The following TEX15 variants were observed in gnomAD, a reference collection of about 807,000 sequenced individuals.
TEX15 encodes the protein testis expressed 15, meiosis and synapsis associated.
Under a neutral mutation model 237.3 loss-of-function variants are expected in TEX15, and 171 were observed. That is an observed-to-expected ratio of 0.72 (90% CI 0.64 to 0.82). TEX15 has a LOEUF of 0.82. Ranked by LOEUF, TEX15 falls within the 40% of genes least tolerant of loss-of-function variation. TEX15 has a pLI of 0.00. For synonymous variants in TEX15, 1,338 were observed against 1,269.8 expected, an observed-to-expected ratio of 1.05 and a Z score of -1.14; for missense variants, 3,750 against 3,646.5, an observed-to-expected ratio of 1.03 and a Z score of -0.73.
chr8:30,846,416 G>A lies in TEX15; in HGVS notation c.3751C>T (p.His1251Tyr), dbSNP rs1201724396. 6.2e-7 allele frequency: 1 copy of A among 1,613,236 alleles called. No individual in the cohort carries two copies. The highest frequency in any genetic ancestry group is 8.5e-7 in the Non-Finnish European group (1 of 1,179,706). Residue 1251 changes from histidine to tyrosine, a missense_variant, in exon 8 of 11, where the codon CAT becomes TAT. Physicochemically the swap from His to Tyr is moderately conservative, Grantham distance 83. Transcript: ENST00000643185. ...TCACTGTTCTGATTTTCAGACGTAT[G>A]ATTCACATCTGTATTACGACTCAAG... Reference protein sequence around the residue: ...FDLSRNTDVNHTSENQNSESL... With the variant: ...FDLSRNTDVNYTSENQNSESL...
intron 2 of TEX15, among the ~76,000 whole-genome samples, chr8:30,896,576 A>G (rs1808910213): frequency 1.3e-5 from 2 of 152,098 alleles, no homozygotes; most frequent in Non-Finnish European, 2.9e-5. Context: ...TAACTCCCCA[A>G]AAGAATGCCC....
intron 1 of TEX15, among the ~76,000 whole-genome samples, chr8:30,900,773 G>A (rs1435986256): frequency 6.6e-6 from 1 of 152,218 alleles, no homozygotes; most frequent in Non-Finnish European, 1.5e-5. Flanking sequence ...ACAGGACACT[G>A]AAATTACAGA....
chr8:30,841,975 A>T (rs777038476), intron 8 of TEX15, 29 bp downstream of exon 8: 4 of 1,458,786 alleles, frequency 2.7e-6, no homozygotes, highest in Non-Finnish European at 2.8e-6. Flanking sequence ...AAGAATACTT[A>T]TAAAAGTTTT....
At chr8:30,869,356 A>G (rs1347713093) in intron 4 of TEX15, among the ~76,000 whole-genome samples, 1 of 152,030 alleles carries the variant, frequency 6.6e-6, no homozygotes, top group Non-Finnish European at 1.5e-5. Flanking sequence ...GACTAGCAGA[A>G]ATTCTTAAGC....
chr8:30,839,482 AT>A (rs1807394008), intron 9 of TEX15, among the ~76,000 whole-genome samples: 1 of 151,950 alleles, frequency 6.6e-6, no homozygotes, highest in South Asian at 2.1e-4. Flanking sequence ...TCCCTTTTTG[AT>A]TTTAGAAGTC....
chr8:30,868,140 CAAGCTAATA>C (rs2128771931), intron 4 of TEX15, among the ~76,000 whole-genome samples: 1 of 152,046 alleles, frequency 6.6e-6, no homozygotes, highest in East Asian at 1.9e-4. Context: ...CTGGGAGAAA[CAAGCTAATA>C]TTTGATTACA....
In TEX15 at chr8:30,887,285, A is replaced by G. The variant is rs1345095743; in HGVS notation, c.18T>C (p.Thr6=). The G allele has an allele frequency of 1.3e-6, 2 of 1,532,000 alleles. No individual in the cohort carries two copies. Among genetic ancestry groups the G allele is most frequent in the Non-Finnish European group, 1.7e-6 (2 of 1,145,590 alleles). The allele number at this position is 1,532,000 out of a possible 1,614,324, so 94.9% of individuals were successfully genotyped here. A position where few individuals can be genotyped will look rare whatever the true frequency, so the allele number is the denominator to read the frequency against. ...TTTGCCACAGTGTATCCTGTTTAGCAGTTTCTTTCATTTCCATTTTGTTGG... is the reference window on the plus strand; with the variant it reads ...TTTGCCACAGTGTATCCTGTTTAGCGGTTTCTTTCATTTCCATTTTGTTGG... MEMKE[T]AKQDTLWQMS... Residue 6 remains threonine, a synonymous_variant, in exon 3 of 11, where the codon ACT becomes ACC. Transcript: ENST00000643185.
chr8:30,890,791 T>C (rs1254295654), intron 2 of TEX15, among the ~76,000 whole-genome samples: 1 of 152,186 alleles, frequency 6.6e-6, no homozygotes, highest in Non-Finnish European at 1.5e-5. Flanking sequence ...AAACCTAACC[T>C]TTGAAAACTT....
chr8:30,859,811 G>T, intron 6 of TEX15, 100 bp downstream of exon 6: 1 of 913,388 alleles, frequency 1.1e-6, no homozygotes, highest in South Asian at 3.9e-5. Context: ...TATATTGAAC[G>T]AATTAAGAGA....
chr8:30,845,226 A>T lies in TEX15; in HGVS notation c.4941T>A (p.Thr1647=). The change falls in exon 8 of 11, where the codon ACT becomes ACA. Residue 1647 remains threonine, a synonymous_variant. Transcript: ENST00000643185. ...AATCTAAGACTGATATAAGTACGTCAGTTTTCGCCTTTGTGTGACCTATGC... is the reference window on the plus strand; with the variant it reads ...AATCTAAGACTGATATAAGTACGTCTGTTTTCGCCTTTGTGTGACCTATGC... ...ATCIGHTKAK[T]DVLISVLDSN... The T allele has an allele frequency of 6.2e-7, 1 of 1,613,582 alleles. No homozygotes were observed. The highest frequency in any genetic ancestry group is 8.5e-7 in the Non-Finnish European group (1 of 1,179,552).
At chr8:30,851,872 T>TG (rs1271464974) in intron 7 of TEX15, among the ~76,000 whole-genome samples, 3 of 151,852 alleles carry the variant, frequency 2.0e-5, no homozygotes, top group Admixed American at 6.6e-5. Flanking sequence ...AGGCGGAAGT[T>TG]GCAGTGAGCC....
chr8:30,911,138 G>A (rs1809207395), intron 1 of TEX15, among the ~76,000 whole-genome samples: 1 of 151,508 alleles, frequency 6.6e-6, no homozygotes, highest in Non-Finnish European at 1.5e-5. Flanking sequence ...TTATTTTTTT[G>A]AGACAGAGTC....
At chr8:30,858,098 T>A (rs1807949438) in intron 7 of TEX15, among the ~76,000 whole-genome samples, 1 of 152,196 alleles carries the variant, frequency 6.6e-6, no homozygotes, top group African/African-American at 2.4e-5. Context: ...CCAAACATCC[T>A]CAGTAGGATA....
chr8:30,854,696 T>C (rs1376913968), intron 7 of TEX15, among the ~76,000 whole-genome samples: 1 of 151,854 alleles, frequency 6.6e-6, no homozygotes, highest in East Asian at 1.9e-4. Flanking sequence ...TCACAAAAAA[T>C]CGACAGACCA....
At chr8:30,905,523 GATT>G (rs1809084003) in intron 1 of TEX15, among the ~76,000 whole-genome samples, 1 of 152,008 alleles carries the variant, frequency 6.6e-6, no homozygotes, top group Non-Finnish European at 1.5e-5. Flanking sequence ...AATTCAGATA[GATT>G]ATTTTTAAGA....
chr8:30,859,225 C>A (rs938410934), intron 6 of TEX15, among the ~76,000 whole-genome samples: 9 of 151,770 alleles, frequency 5.9e-5, no homozygotes, highest in Non-Finnish European at 1.2e-4. Context: ...TTCATTTAAT[C>A]ATAATATGAT....
rs375335496 is a variant in TEX15, at chr8:30,846,310, T to C, written c.3857A>G (p.Tyr1286Cys). ...CTCCTTTTTATTTTTGGTATCATTA[T>C]AGTCAGTTTTTGATTTTGTAAAGAA... The part of the protein sequence containing the change: ...RCFFTKSKTD[Y>C]NDTKNKKEVE... The change falls in exon 8 of 11, where the codon TAT becomes TGT. Residue 1286 changes from tyrosine to cysteine, a missense_variant. Tyr to Cys is a radical substitution (Grantham distance 194). Transcript: ENST00000643185. The C allele has an allele frequency of 9.2e-5, 148 of 1,612,894 alleles. 1 individual carries two copies. In the South Asian group the frequency reaches 1.5e-3, roughly 16 times the overall value.
In TEX15 at chr8:30,845,623, G is replaced by C; in HGVS notation, c.4544C>G (p.Pro1515Arg). ...HMGEFCNQEHPESQLPVSSTS... is the reference protein window; with the variant it reads ...HMGEFCNQEHRESQLPVSSTS... The stretch of plus-strand genomic sequence containing the variant: ...GGAGGATACAGGCAACTGTGATTCA[G>C]GATGTTCTTGATTACAAAATTCTCC... Residue 1515 changes from proline (P) to arginine (R), a missense_variant, in exon 8 of 11, where the codon CCT becomes CGT. Physicochemically the swap from Pro to Arg is moderately radical, Grantham distance 103. Coordinates refer to ENST00000643185, the MANE Select transcript of TEX15 (RefSeq NM_001350162.2). The C allele has an allele frequency of 6.2e-7, 1 of 1,613,560 alleles. No homozygotes were observed. The highest frequency in any genetic ancestry group is 8.5e-7 in the Non-Finnish European group (1 of 1,179,620).
chr8:30,861,519 GCAAA>G lies in TEX15; in HGVS notation c.541-1466_541-1463del, dbSNP rs539376841. Among the ~76,000 whole-genome samples, 384 of 152,162 alleles carry G rather than the reference GCAAA, an allele frequency of 2.5e-3. 1 individual carries two copies. The highest frequency in any genetic ancestry group is 4.3e-3 in the Non-Finnish European group (290 of 67,968). On this transcript the variant is annotated intron_variant, in intron 5 of 10. Coordinates refer to ENST00000643185, the MANE Select transcript of TEX15 (RefSeq NM_001350162.2). ...GGTATCCTGAATTGGATCCTGGAAC[GCAAA>G]CAAACATGAGTAGAAAAATTAGCAA...
Sources: gnomAD v4.1 joint callset for allele counts (sites outside exome capture counted in the v4.1 genomes callset) on GRCh38, gnomAD v4.1.1 for gene constraint, MANE v1.5 for transcripts, NCBI Gene and HGNC (gene_info 2026-07-23, HGNC 2026-07-21) for gene names.